Variants in ZNF561 observed in about 807,000 individuals in gnomAD.
ZNF561 encodes zinc finger protein 561.
Under a neutral mutation model 16.7 loss-of-function variants are expected in ZNF561, and 16 were observed. The observed-to-expected ratio is 0.96, with a 90% CI of 0.65 to 1.45. ZNF561 has a LOEUF of 1.45. ZNF561 is among the 40% of genes most tolerant of loss of function. ZNF561 has a pLI of 0.00. For missense variants in ZNF561, 580 were observed against 578.0 expected (o/e 1.00, Z -0.04); for synonymous variants, 190 against 192.1 (o/e 0.99, Z 0.09).
At position 9,610,310 on chromosome 19, in the gene ZNF561, A is replaced by T; in HGVS notation, c.1351T>A (p.Cys451Ser). 6.2e-7 allele frequency: 1 copy of T among 1,614,186 alleles called. No homozygotes were observed. The highest frequency in any genetic ancestry group is 8.5e-7 in the Non-Finnish European group (1 of 1,180,028). The change falls in exon 6 of 6, where the codon TGT (cysteine) becomes AGT (serine). Residue 451 changes from cysteine to serine, a missense_variant. Physicochemically the swap from Cys to Ser is moderately radical, Grantham distance 112 (BLOSUM62 -1). Coordinates refer to ENST00000302851, the MANE Select transcript of ZNF561 (RefSeq NM_152289.3). ...RTHTGEKPFV[C>S]KECGKAFAVS... The stretch of plus-strand genomic sequence containing the variant: ...GCAAATGCTTTCCCACATTCTTTAC[A>T]TACGAAGGGTTTCTCTCCGGTATGA...
At position 9,610,906 on chromosome 19, in the gene ZNF561, G is replaced by A; in HGVS notation, c.755C>T (p.Ser252Phe). ...TTTCCCACATTTCTTAGTCTTTTTG[G>A]ATTTCTTTCCTGTATGAACTGCTAC... ...QCVAVHTGKK[S>F]KKTKKCGKSF... The change falls in exon 6 of 6, where the codon TCC (serine) becomes TTC (phenylalanine). Residue 252 changes from serine to phenylalanine, a missense_variant. Coordinates refer to ENST00000302851, the MANE Select transcript of ZNF561 (RefSeq NM_152289.3). The A allele has an allele frequency of 1.9e-6, 3 of 1,614,108 alleles. No individual in the cohort carries two copies. The highest frequency in any genetic ancestry group is 2.5e-6 in the Non-Finnish European group (3 of 1,180,012).
At chr19:9,619,809 A>G (rs1275914503) in intron 1 of ZNF561, among the ~76,000 whole-genome samples, 1 of 152,170 alleles carries the variant, frequency 6.6e-6, no homozygotes, top group Non-Finnish European at 1.5e-5. Flanking sequence ...TAATTATCAT[A>G]GCCATCCTTC....
chr19:9,620,320 C>A (rs2074647713), intron 1 of ZNF561, among the ~76,000 whole-genome samples: 1 of 151,990 alleles, frequency 6.6e-6, no homozygotes, highest in South Asian at 2.1e-4. Context: ...GAACTCCTGG[C>A]CTTAAGTGAT....
At position 9,607,485 on chromosome 19, in the gene ZNF561, A is replaced by G. The variant is rs568236224; in HGVS notation, c.*2715T>C. The G allele has an allele frequency of 2.6e-5, 4 of 152,354 alleles. No individual in the cohort carries two copies. The highest frequency in any genetic ancestry group is 9.6e-5 in the African/African-American group (4 of 41,586). The allele number at this position is 152,354 out of a possible 1,614,324, so 9.4% of individuals were successfully genotyped here. On this transcript the variant is annotated 3_prime_UTR_variant, in exon 6 of 6. Transcript: ENST00000302851. The stretch of plus-strand genomic sequence containing the variant: ...GCCTCATGAATTATGAAATACTGGG[A>G]AATCATTCATCATGTAAAAACTGGA...
At chr19:9,613,912 G>C in intron 5 of ZNF561, 109 bp downstream of exon 5, 1 of 1,349,494 alleles carries the variant, frequency 7.4e-7, no homozygotes, top group Non-Finnish European at 1.0e-6. Flanking sequence ...CTCCCAAATA[G>C]CTGGGATTAC....
Position 9,610,555 on chromosome 19 carries a change from T to C in ZNF561, c.1106A>G (p.Glu369Gly). 1 of 1,613,804 alleles carries C rather than the reference T, an allele frequency of 6.2e-7. No homozygotes were observed. Among genetic ancestry groups the C allele is most frequent in the Non-Finnish European group, 8.5e-7 (1 of 1,179,774 alleles). Residue 369 changes from glutamate (E) to glycine (G), a missense_variant, in exon 6 of 6, where the codon GAA becomes GGA. By Grantham distance (98) the Glu-to-Gly change is moderately conservative. Transcript: ENST00000302851. ...GGATGTAGTGAAGGCTTTCCCACAT[T>C]CCTTACACTGATAGGGTTTCTTTCC... Reference protein sequence around the residue: ...HSGKKPYQCKECGKAFTTSTS... With the variant: ...HSGKKPYQCKGCGKAFTTSTS...
chr19:9,610,671 A>G lies in ZNF561; in HGVS notation c.990T>C (p.Thr330=). ...ATTCATAGGGTTTTATTCCAGTGTG[A>G]GTTCTTACATGTTCAGTAAGTTGAG... ...RSTQLTEHVR[T]HTGIKPYECK... The change falls in exon 6 of 6, where the codon ACT becomes ACC. Residue 330 remains threonine, a synonymous_variant. Coordinates refer to ENST00000302851, the MANE Select transcript of ZNF561 (RefSeq NM_152289.3). 1 of 1,614,208 alleles carries G rather than the reference A, an allele frequency of 6.2e-7. No individual in the cohort carries two copies. The highest frequency in any genetic ancestry group is 8.5e-7 in the Non-Finnish European group (1 of 1,180,032).
At position 9,610,969 on chromosome 19, in the gene ZNF561, C is replaced by T. The variant is rs142543824; in HGVS notation, c.692G>A (p.Gly231Glu). 2.7e-5 allele frequency: 44 copies of T among 1,614,154 alleles called. No individual in the cohort carries two copies. The Middle Eastern group carries it at 4.9e-4, about 18-fold the overall frequency. ...GTGTGAAGAAGCTGTGACAGCTCTC[C>T]CATATTCCTGAAATTCACAGAGTTT... The part of the protein sequence containing the change: ...DEKLCEFQEY[G>E]RAVTASSHLK... Residue 231 changes from glycine (G) to glutamate (E), a missense_variant, in exon 6 of 6, where the codon GGG (glycine) becomes GAG (glutamate). Physicochemically the swap from Gly to Glu is moderately conservative, Grantham distance 98. Coordinates refer to ENST00000302851, the MANE Select transcript of ZNF561 (RefSeq NM_152289.3).
chr19:9,617,656 G>C (rs796193466), intron 3 of ZNF561: 17 of 457,112 alleles, frequency 3.7e-5, no homozygotes, highest in African/African-American at 3.4e-4. Flanking sequence ...ACAGGCATGA[G>C]CCACTGCACA....
In ZNF561 at chr19:9,608,863, G is replaced by C. The variant is rs1169096252; in HGVS notation, c.*1337C>G. On this transcript the variant is annotated 3_prime_UTR_variant, in exon 6 of 6. Coordinates refer to ENST00000302851, the MANE Select transcript of ZNF561 (RefSeq NM_152289.3). ...GGACACAGGAAGCTTCATTCTTCCT[G>C]AGTGCTTACAGGAAAATGTGCTCAG... is the stretch of plus-strand genomic sequence containing the variant. 2 of 152,164 alleles carry C rather than the reference G, an allele frequency of 1.3e-5. No individual in the cohort carries two copies. Among genetic ancestry groups the C allele is most frequent in the Non-Finnish European group, 2.9e-5 (2 of 68,036 alleles). The allele number at this position is 152,164 out of a possible 1,614,324, so 9.4% of individuals were successfully genotyped here. A position where few individuals can be genotyped will look rare whatever the true frequency, so the allele number is the denominator to read the frequency against.
chr19:9,610,707 G>A lies in ZNF561; in HGVS notation c.954C>T (p.Phe318=), dbSNP rs143686431. Residue 318 remains phenylalanine (F), a synonymous_variant, in exon 6 of 6, where the codon TTC becomes TTT. Transcript: ENST00000302851. ...GTTCAGTAAGTTGAGTTGATCTAGT[G>A]AAGGCTTTCCCACAGTAAGTACACT... ...PHKCTYCGKA[F]TRSTQLTEHV... is the part of the protein sequence containing the mutation. 2.9e-3 allele frequency: 4,743 copies of A among 1,614,110 alleles called. 26 individuals are homozygous for A. Among genetic ancestry groups the A allele is most frequent in the South Asian group, 0.012 (1,079 of 91,072 alleles).
In ZNF561 at chr19:9,610,725, A is replaced by C. The variant is rs28445940; in HGVS notation, c.936T>G (p.Thr312=). 15 of 1,613,922 alleles carry C rather than the reference A, an allele frequency of 9.3e-6. No homozygotes were observed. Among genetic ancestry groups the C allele is most frequent in the Non-Finnish European group, 1.2e-5 (14 of 1,180,026 alleles). ...ATCTAGTGAAGGCTTTCCCACAGTA[A>C]GTACACTTGTGTGGTTTTATTCCAG... ...IHTGIKPHKC[T]YCGKAFTRST... The change falls in exon 6 of 6, where the codon ACT becomes ACG. Residue 312 remains threonine, a synonymous_variant. Transcript: ENST00000302851.
intron 1 of ZNF561, among the ~76,000 whole-genome samples, chr19:9,619,861 A>C (rs28513269): frequency 7.7e-6 from 1 of 130,648 alleles, no homozygotes. Flanking sequence ...ATCTATCTAT[A>C]TTTATCTATC....
At chr19:9,619,368 C>T (rs568326770) in intron 2 of ZNF561, 64 bp downstream of exon 2, 34 of 1,570,818 alleles carry the variant, frequency 2.2e-5, no homozygotes, top group South Asian at 8.0e-5. Context: ...GCTCACTGGA[C>T]GCTTGTGTTG....
chr19:9,618,587 G>C (rs2074601645), intron 2 of ZNF561, among the ~76,000 whole-genome samples: 1 of 152,048 alleles, frequency 6.6e-6, no homozygotes, highest in Non-Finnish European at 1.5e-5. Context: ...TTAGCCAGAT[G>C]TGGTGGTGGG....
At chr19:9,620,360 G>T (rs748552236) in intron 1 of ZNF561, among the ~76,000 whole-genome samples, 17 of 152,152 alleles carry the variant, frequency 1.1e-4, no homozygotes, top group Non-Finnish European at 2.2e-4. Context: ...AACTAGCTGG[G>T]ACTACAGGTG....
chr19:9,614,006 C>T lies in ZNF561; in HGVS notation c.324+15G>A. Reference sequence around the variant, plus strand: ...CTAAGAGAGGAAATTAAGAAATATCCCTCATGAATCTTACCATTTGTATCC... The same window carrying T: ...CTAAGAGAGGAAATTAAGAAATATCTCTCATGAATCTTACCATTTGTATCC... On this transcript the variant is annotated intron_variant, in intron 5 of 5. Coordinates refer to ENST00000302851, the MANE Select transcript of ZNF561 (RefSeq NM_152289.3). 1.2e-6 allele frequency: 2 copies of T among 1,610,752 alleles called. No individual in the cohort carries two copies. The highest frequency in any genetic ancestry group is 1.7e-6 in the Non-Finnish European group (2 of 1,178,454).
In ZNF561 at chr19:9,610,087, C is replaced by A; in HGVS notation, c.*113G>T. 6 of 943,176 alleles carry A rather than the reference C, an allele frequency of 6.4e-6. No homozygotes were observed. The South Asian group carries it at 1.1e-4, about 17-fold the overall frequency. The allele number at this position is 943,176 out of a possible 1,614,324, so 58.4% of individuals were successfully genotyped here. ...ACCTGTAGGTTTAATTTCAGACCCTCAGGATGGTATCTAAGGCCAATCCAT... is the reference window on the plus strand; with the variant it reads ...ACCTGTAGGTTTAATTTCAGACCCTAAGGATGGTATCTAAGGCCAATCCAT... On this transcript the variant is annotated 3_prime_UTR_variant, in exon 6 of 6. Coordinates refer to ENST00000302851, the MANE Select transcript of ZNF561 (RefSeq NM_152289.3).
chr19:9,611,446 T>C (rs1415891768), intron 5 of ZNF561, 110 bp from the exon 6 acceptor site: 2 of 1,162,672 alleles, frequency 1.7e-6, no homozygotes, highest in African/African-American at 1.6e-5. Context: ...CTTTTTAATA[T>C]TTAATTTTTT....
Sources: gnomAD v4.1 joint callset for allele counts (sites outside exome capture counted in the v4.1 genomes callset) on GRCh38, gnomAD v4.1.1 for gene constraint, MANE v1.5 for transcripts, NCBI Gene and HGNC (gene_info 2026-07-23, HGNC 2026-07-21) for gene names.